Variants in COPG2 observed in about 807,000 individuals in gnomAD.
The protein encoded by COPG2 is coat protein complex I subunit gamma 2, also known as coatomer subunit gamma-2.
COPG2 carries 37 observed loss-of-function variants against 46.3 expected under a neutral mutation model. That is an observed-to-expected ratio of 0.80 (90% CI 0.61 to 1.05). COPG2 has a LOEUF of 1.05. COPG2 is among the 50% of genes least tolerant of loss of function. The probability of loss-of-function intolerance (pLI) is 0.00; values close to 1 mark genes in which losing one functional copy is unlikely to be tolerated. For synonymous variants in COPG2, 159 were observed against 129.7 expected, an observed-to-expected ratio of 1.23 and a Z score of -1.53; for missense variants, 427 against 387.8, an observed-to-expected ratio of 1.10 and a Z score of -0.85.
At chr7:130,650,248 T>C (rs1008484050) in intron 5 of COPG2, among the ~76,000 whole-genome samples, 8 of 152,212 alleles carry the variant, frequency 5.3e-5, no homozygotes, top group African/African-American at 1.9e-4. Flanking sequence ...TATCTGCTGT[T>C]TTGCAATCTT....
intron 4 of COPG2, among the ~76,000 whole-genome samples, chr7:130,653,485 A>C (rs1276749679): frequency 6.6e-6 from 1 of 152,230 alleles, no homozygotes; most frequent in Non-Finnish European, 1.5e-5. Flanking sequence ...GAAAATGTGC[A>C]AACTCTGCAC....
chr7:130,576,640 A>C (rs1308078760), intron 9 of COPG2, among the ~76,000 whole-genome samples: 1 of 152,230 alleles, frequency 6.6e-6, no homozygotes, highest in Non-Finnish European at 1.5e-5. Context: ...AAGTGCCTAC[A>C]TCAAAAAGAC....
At chr7:130,511,062 G>A (rs1554440950) in intron 20 of COPG2, 3 of 487,218 alleles carry the variant, frequency 6.2e-6, no homozygotes, top group African/African-American at 2.0e-5. Flanking sequence ...AAAGAACCCA[G>A]CGAATTAGAG....
intron 20 of COPG2, among the ~76,000 whole-genome samples, chr7:130,522,017 G>T (rs1283763920): frequency 6.6e-6 from 1 of 152,170 alleles, no homozygotes; most frequent in Non-Finnish European, 1.5e-5. Flanking sequence ...AATGAGTAGA[G>T]GAACTGAGCT....
intron 20 of COPG2, 49 bp downstream of exon 20, chr7:130,547,625 A>C (rs1793466263): frequency 5.0e-6 from 2 of 398,494 alleles, no homozygotes; most frequent in Non-Finnish European, 8.8e-6. Context: ...AGAGCTCACA[A>C]GGAAATGCAT....
intron 5 of COPG2, among the ~76,000 whole-genome samples, chr7:130,631,927 A>G (rs187000332): frequency 2.0e-5 from 3 of 152,332 alleles, no homozygotes; most frequent in East Asian, 3.9e-4. Flanking sequence ...TCAGAGATAA[A>G]TTCTTTCAGC....
chr7:130,628,736 A>G (rs149130119), intron 5 of COPG2, among the ~76,000 whole-genome samples: 13 of 152,258 alleles, frequency 8.5e-5, no homozygotes, highest in African/African-American at 2.9e-4. Flanking sequence ...ATAAATTATC[A>G]GTTTTTGTTG....
chr7:130,648,144 T>A (rs1225547413), intron 5 of COPG2, among the ~76,000 whole-genome samples: 1 of 152,232 alleles, frequency 6.6e-6, no homozygotes, highest in Non-Finnish European at 1.5e-5. Context: ...CAGATTTTTT[T>A]AATCTCCATG....
chr7:130,631,161 CTTTT>C (rs1795220327), intron 5 of COPG2, among the ~76,000 whole-genome samples: 1 of 136,554 alleles, frequency 7.3e-6, no homozygotes, highest in Non-Finnish European at 1.5e-5. Flanking sequence ...GTTCCCTTTT[CTTTT>C]TCTTTTCTTT....
intron 5 of COPG2, among the ~76,000 whole-genome samples, chr7:130,636,689 G>C (rs1795345570): frequency 6.6e-6 from 1 of 151,994 alleles, no homozygotes; most frequent in Non-Finnish European, 1.5e-5. Flanking sequence ...TTGCCAGTCT[G>C]TGTCTTTCCA....
Position 130,607,837 on chromosome 7 carries a change from AG to A in COPG2, c.737+3115del, listed in dbSNP as rs782659341. 5 of 518,526 alleles carry A rather than the reference AG, an allele frequency of 9.6e-6. No individual in the cohort carries two copies. The East Asian group carries it at 2.7e-4, about 28-fold the overall frequency. 32.1% of individuals were successfully genotyped at this position (518,526 alleles called of 1,614,324 possible). On this transcript the variant is annotated intron_variant, in intron 9 of 23. Coordinates refer to ENST00000425248, the MANE Select transcript of COPG2 (RefSeq NM_012133.6). ...AATTACAGAATGCCCTCAGGAGAAT[AG>A]CAAAAAAACCCCACAAATTTCACCC...
intron 4 of COPG2, among the ~76,000 whole-genome samples, chr7:130,658,821 C>T (rs1490740308): frequency 6.6e-6 from 1 of 152,016 alleles, no homozygotes; most frequent in Non-Finnish European, 1.5e-5. Flanking sequence ...GCTGGGATTA[C>T]AGGTGCCTGC....
At chr7:130,658,548 TA>T (rs1302045608) in intron 4 of COPG2, among the ~76,000 whole-genome samples, 118 of 149,024 alleles carry the variant, frequency 7.9e-4, no homozygotes, top group Non-Finnish European at 1.3e-3. Context: ...AAACTACACT[TA>T]AAAAAAAAAT....
chr7:130,645,822 T>G (rs1333915565), intron 5 of COPG2, among the ~76,000 whole-genome samples: 11 of 152,110 alleles, frequency 7.2e-5, no homozygotes, highest in African/African-American at 2.7e-4. Context: ...TGGCCAACTT[T>G]CTCTAAATAC....
intron 5 of COPG2, among the ~76,000 whole-genome samples, chr7:130,641,863 C>G (rs540822094): frequency 6.6e-6 from 1 of 152,206 alleles, no homozygotes; most frequent in Non-Finnish European, 1.5e-5. Flanking sequence ...CACACATTAT[C>G]GGCACAATTG....
chr7:130,556,582 T>C (rs1793630385), intron 12 of COPG2, among the ~76,000 whole-genome samples: 1 of 152,124 alleles, frequency 6.6e-6, no homozygotes, highest in Non-Finnish European at 1.5e-5. Context: ...GGTATATATG[T>C]ACAGAAAGAA....
chr7:130,594,749 T>C (rs1202056489), intron 9 of COPG2, among the ~76,000 whole-genome samples: 3 of 152,136 alleles, frequency 2.0e-5, no homozygotes, highest in African/African-American at 7.2e-5. Flanking sequence ...AATAAACACA[T>C]GAAAAGATGT....
chr7:130,523,821 C>T (rs995567835), intron 20 of COPG2, among the ~76,000 whole-genome samples: 1 of 151,986 alleles, frequency 6.6e-6, no homozygotes, highest in African/African-American at 2.4e-5. Flanking sequence ...GGAAGGAGAG[C>T]GTCTTGAAGA....
rs782357547 is a variant in COPG2, at chr7:130,611,095, C to T, written c.595G>A (p.Val199Ile). 6 of 1,613,462 alleles carry T rather than the reference C, an allele frequency of 3.7e-6. No homozygotes were observed. In the South Asian group the frequency reaches 6.6e-5, roughly 18 times the overall value. ...TCATTCTTTCTAAGGTGATACAGGA[C>T]TCCCAATGCATGGTACTAAAGAACA... ...NIMVQYHALG[V>I]LYHLRKNDRL... The change falls in exon 9 of 24, where the codon GTC (valine) becomes ATC (isoleucine). Residue 199 changes from valine (V) to isoleucine (I), a missense_variant. By Grantham distance (29) the Val-to-Ile change is conservative. Coordinates refer to ENST00000425248, the MANE Select transcript of COPG2 (RefSeq NM_012133.6).
Sources: gnomAD v4.1 joint callset for allele counts (sites outside exome capture counted in the v4.1 genomes callset) on GRCh38, gnomAD v4.1.1 for gene constraint, MANE v1.5 for transcripts, NCBI Gene and HGNC (gene_info 2026-07-23, HGNC 2026-07-21) for gene names.